The following MB21D2 variants were observed in gnomAD, a reference collection of about 807,000 sequenced individuals.
The protein encoded by MB21D2 is Mab-21 domain containing 2, also known as nucleotidyltransferase MB21D2.
Under a neutral mutation model 33.3 loss-of-function variants are expected in MB21D2, and 9 were observed. The ratio of observed to expected loss-of-function variants is 0.27; its 90% CI spans 0.16 to 0.47. The LOEUF (loss-of-function observed/expected upper bound fraction) is 0.47. Ranked by LOEUF, MB21D2 falls within the 20% of genes least tolerant of loss-of-function variation. The pLI is 0.99. For missense variants in MB21D2, 540 were observed against 624.6 expected, an observed-to-expected ratio of 0.86 and a Z score of 1.44; for synonymous variants, 241 against 236.3, an observed-to-expected ratio of 1.02 and a Z score of -0.18.
intron 1 of MB21D2, among the ~76,000 whole-genome samples, chr3:192,882,044 A>C (rs1713607670): frequency 6.6e-6 from 1 of 151,924 alleles, no homozygotes. Context: ...TAGCCTCTGA[A>C]CTCCTTGAGG....
intron 1 of MB21D2, among the ~76,000 whole-genome samples, chr3:192,889,877 A>C (rs1208824384): frequency 2.0e-5 from 3 of 152,102 alleles, no homozygotes; most frequent in Non-Finnish European, 4.4e-5. Context: ...ACCCACATCC[A>C]GAGTCAACAC....
rs57320648 is a variant in MB21D2 at position 192,870,699 on chromosome 3, GAAAAAAAA to G, written c.211+46923_211+46930del. On this transcript the variant is annotated intron_variant, in intron 1 of 1. Transcript: ENST00000392452. ...GCACTCCAGCCTGGGCGACTCCGTT[GAAAAAAAA>G]AAAAAAAAAAAAGGAAGGAGAGAAG... Among the ~76,000 whole-genome samples the G allele has an allele frequency of 9.1e-4, 38 of 41,666 alleles. No individual in the cohort carries two copies. The South Asian group carries it at 0.045, about 49-fold the overall frequency. 27.3% of individuals were successfully genotyped at this position (41,666 alleles called of 152,430 possible). A position where few individuals can be genotyped will look rare whatever the true frequency, so the allele number is the denominator to read the frequency against.
chr3:192,885,918 T>C (rs1713721802), intron 1 of MB21D2, among the ~76,000 whole-genome samples: 1 of 152,162 alleles, frequency 6.6e-6, no homozygotes. Context: ...TCTTTTTAAT[T>C]ATTTTCCTTA....
chr3:192,877,257 T>G (rs1259866528), intron 1 of MB21D2, among the ~76,000 whole-genome samples: 4 of 152,196 alleles, frequency 2.6e-5, no homozygotes, highest in Non-Finnish European at 5.9e-5. Context: ...ATGTTGTATT[T>G]AAACTGTATT....
chr3:192,831,892 T>C (rs965515019), intron 1 of MB21D2, among the ~76,000 whole-genome samples: 2 of 152,140 alleles, frequency 1.3e-5, no homozygotes, highest in Non-Finnish European at 2.9e-5. Flanking sequence ...GAAGGGGAAA[T>C]GACATTACAG....
chr3:192,836,148 T>C (rs1244643510), intron 1 of MB21D2, among the ~76,000 whole-genome samples: 1 of 152,196 alleles, frequency 6.6e-6, no homozygotes, highest in Non-Finnish European at 1.5e-5. Context: ...TCCTTTAATA[T>C]TAAATAGAGG....
At chr3:192,863,493 T>C (rs1370041693) in intron 1 of MB21D2, among the ~76,000 whole-genome samples, 1 of 152,220 alleles carries the variant, frequency 6.6e-6, no homozygotes, top group Admixed American at 6.5e-5. Flanking sequence ...GGTGTAAGTT[T>C]AGTTTTTTTT....
intron 1 of MB21D2, among the ~76,000 whole-genome samples, chr3:192,845,312 GT>G (rs1276585386): frequency 6.6e-6 from 1 of 152,220 alleles, no homozygotes; most frequent in African/African-American, 2.4e-5. Context: ...GAAGGACAAT[GT>G]ACCATTCCTA....
chr3:192,836,156 A>G (rs186998708), intron 1 of MB21D2, among the ~76,000 whole-genome samples: 13 of 152,340 alleles, frequency 8.5e-5, no homozygotes, highest in Middle Eastern at 3.4e-3. Context: ...TATTAAATAG[A>G]GGGCATTCCT....
chr3:192,899,895 T>C (rs991665177), intron 1 of MB21D2, among the ~76,000 whole-genome samples: 1 of 126,810 alleles, frequency 7.9e-6, no homozygotes, highest in Admixed American at 8.2e-5. Flanking sequence ...ACTGACCTTA[T>C]GTCACCTTTG....
rs1720561914 is a variant in MB21D2, at chr3:192,798,195, CAG to C, written c.*189_*190del. 1.7e-6 allele frequency: 1 copy of C among 585,286 alleles called. No homozygotes were observed. The highest frequency in any genetic ancestry group is 2.9e-6 in the Non-Finnish European group (1 of 346,590). The allele number at this position is 585,286 out of a possible 1,614,324, so 36.3% of individuals were successfully genotyped here. On this transcript the variant is annotated 3_prime_UTR_variant, in exon 2 of 2. Coordinates refer to ENST00000392452, the MANE Select transcript of MB21D2 (RefSeq NM_178496.4). This position sits in a 1 kb window ranked among gnomAD's most constrained non-coding sequence, Gnocchi z 4.8. ...AACTACAAAAAGTAAACAACGAAAT[CAG>C]AGGCAGAATATGAAATAGTAATATA...
intron 1 of MB21D2, among the ~76,000 whole-genome samples, chr3:192,877,430 C>A (rs752861338): frequency 5.9e-5 from 9 of 152,080 alleles, no homozygotes; most frequent in Non-Finnish European, 8.8e-5. Flanking sequence ...AACTAGTTAC[C>A]CTTCACCACA....
intron 1 of MB21D2, among the ~76,000 whole-genome samples, chr3:192,908,485 G>A (rs1038079794): frequency 2.7e-5 from 4 of 149,712 alleles, no homozygotes; most frequent in Non-Finnish European, 4.4e-5. Flanking sequence ...TGCAAGCTCC[G>A]CCTCCTGGGT....
intron 1 of MB21D2, among the ~76,000 whole-genome samples, chr3:192,825,000 T>C (rs1560231704): frequency 6.6e-6 from 1 of 152,314 alleles, no homozygotes; most frequent in East Asian, 1.9e-4. Context: ...CTGTCCTTGA[T>C]TATGTCTAGC....
chr3:192,878,742 T>A (rs1365071281), intron 1 of MB21D2, among the ~76,000 whole-genome samples: 1 of 152,110 alleles, frequency 6.6e-6, no homozygotes, highest in African/African-American at 2.4e-5. Context: ...GGCGAGCGGA[T>A]CGCTTGAGGT....
chr3:192,808,429 T>A (rs1171933860), intron 1 of MB21D2, among the ~76,000 whole-genome samples: 2 of 152,244 alleles, frequency 1.3e-5, no homozygotes, highest in Non-Finnish European at 2.9e-5. Context: ...TCTTCAAATA[T>A]CTGATAAGCT....
chr3:192,897,961 TA>T (rs35144681), intron 1 of MB21D2, among the ~76,000 whole-genome samples: 88,180 of 150,218 alleles, frequency 0.59, 25,909 homozygotes, highest in African/African-American at 0.61. Context: ...CCTGTCTCAA[TA>T]AAAAAAAAAA....
intron 1 of MB21D2, among the ~76,000 whole-genome samples, chr3:192,812,639 TGAA>T (rs1388669109): frequency 1.3e-5 from 2 of 152,132 alleles, no homozygotes; most frequent in Non-Finnish European, 2.9e-5. Flanking sequence ...TCAGAAGAGA[TGAA>T]GGAGAAGCTA....
chr3:192,809,614 T>G (rs1347038579), intron 1 of MB21D2, among the ~76,000 whole-genome samples: 1 of 152,180 alleles, frequency 6.6e-6, no homozygotes, highest in Non-Finnish European at 1.5e-5. Context: ...AATTTATTTC[T>G]CCATCCAAAA....
Sources: allele counts gnomAD v4.1 joint callset (sites outside exome capture counted in the v4.1 genomes callset), GRCh38; gene constraint gnomAD v4.1.1; non-coding constraint Gnocchi (gnomAD v3.1); transcripts MANE v1.5; gene names NCBI Gene and HGNC (gene_info 2026-07-23, HGNC 2026-07-21).